TAMM41: variants seen among roughly 807,000 people sequenced by gnomAD.
TAMM41 encodes the protein TAM41 mitochondrial translocator assembly and maintenance homolog, also known as phosphatidate cytidylyltransferase, mitochondrial.
TAMM41 carries 36 observed loss-of-function variants against 44.1 expected under a neutral mutation model. The ratio of observed to expected loss-of-function variants is 0.82; its 90% CI spans 0.63 to 1.08. The LOEUF (loss-of-function observed/expected upper bound fraction) is 1.08, where lower values mean the gene tolerates loss of function less well. TAMM41 is among the 50% of genes least tolerant of loss of function. The probability of loss-of-function intolerance (pLI) is 0.00; values close to 1 mark genes in which losing one functional copy is unlikely to be tolerated. For synonymous variants in TAMM41, 164 were observed against 153.1 expected (o/e 1.07, Z -0.53); for missense variants, 417 against 404.3 (o/e 1.03, Z -0.27).
intron 7 of TAMM41, among the ~76,000 whole-genome samples, chr3:11,797,940 T>C (rs2077649382): frequency 6.6e-6 from 1 of 152,068 alleles, no homozygotes; most frequent in Non-Finnish European, 1.5e-5. Context: ...CAAATCAAAA[T>C]CACAATGAGA....
Position 11,790,444 on chromosome 3 carries a change from C to A in TAMM41, c.*61G>T. 2 of 1,431,746 alleles carry A rather than the reference C, an allele frequency of 1.4e-6. No individual in the cohort carries two copies. Among genetic ancestry groups the A allele is most frequent in the South Asian group, 2.3e-5 (2 of 86,402 alleles). 88.7% of individuals were successfully genotyped at this position (1,431,746 alleles called of 1,614,324 possible). On this transcript the variant is annotated 3_prime_UTR_variant, in exon 8 of 8. Coordinates refer to ENST00000455809, the MANE Select transcript of TAMM41 (RefSeq NM_001284401.2). ...ATGGGTCAAAGTAACAAACACTGTTCTGTCAAAAAGGATCAAACACTTTAT... is the reference window on the plus strand; with the variant it reads ...ATGGGTCAAAGTAACAAACACTGTTATGTCAAAAAGGATCAAACACTTTAT...
At chr3:11,727,714 C>T in the TAMM41 span, among the ~76,000 whole-genome samples, 1 of 152,104 alleles carries the variant, frequency 6.6e-6, no homozygotes, top group East Asian at 1.9e-4. Flanking sequence ...GATCCTCCCG[C>T]CTTGGCCTCC....
chr3:11,777,698 G>A, the TAMM41 span, among the ~76,000 whole-genome samples: 1 of 152,162 alleles, frequency 6.6e-6, no homozygotes, highest in Non-Finnish European at 1.5e-5. Context: ...GGAGGCTGAG[G>A]CAGGAGAATC....
chr3:11,786,309 TA>T (rs1559259418), downstream of TAMM41, among the ~76,000 whole-genome samples: 1,985 of 147,560 alleles, frequency 0.013, 57 homozygotes, highest in African/African-American at 0.046. Context: ...TTATTATTAT[TA>T]TTATTATTTT....
chr3:11,744,203 G>A, the TAMM41 span, among the ~76,000 whole-genome samples: 22 of 152,120 alleles, frequency 1.4e-4, no homozygotes, highest in East Asian at 3.7e-3. Context: ...AAGTAACTGG[G>A]ATTATAGGTG....
chr3:11,810,518 A>G (rs867773315), intron 5 of TAMM41, among the ~76,000 whole-genome samples: 7 of 152,230 alleles, frequency 4.6e-5, no homozygotes, highest in African/African-American at 1.7e-4. Context: ...TCTTGTAAAC[A>G]TTGATTTCCT....
chr3:11,803,056 G>A (rs1424597088), intron 7 of TAMM41, among the ~76,000 whole-genome samples: 1 of 152,240 alleles, frequency 6.6e-6, no homozygotes, highest in Non-Finnish European at 1.5e-5. Flanking sequence ...CAGATCACTT[G>A]AGATCAGGAA....
rs1054294500 is a variant in TAMM41, at chr3:11,840,575, C to T, written c.319-1261G>A. ...CAGCAATACCACAGTCACAGTGAAC[C>T]GATTTTGTCCATGCGACAGGCAGGA... On this transcript the variant is annotated intron_variant, in intron 2 of 7. Coordinates refer to ENST00000455809, the MANE Select transcript of TAMM41 (RefSeq NM_001284401.2). 5.9e-5 allele frequency among the ~76,000 whole-genome samples: 9 copies of T among 151,918 alleles called. No individual in the cohort carries two copies. The East Asian group carries it at 7.7e-4, about 13-fold the overall frequency.
chr3:11,834,585 T>A (rs181962975), intron 3 of TAMM41, among the ~76,000 whole-genome samples: 14 of 152,298 alleles, frequency 9.2e-5, no homozygotes, highest in African/African-American at 3.4e-4. Context: ...GAAATAAAAA[T>A]AGGGTATTCC....
the TAMM41 span, among the ~76,000 whole-genome samples, chr3:11,775,254 A>G: frequency 6.6e-6 from 1 of 152,228 alleles, no homozygotes; most frequent in East Asian, 1.9e-4. Context: ...GGTTCCAGCC[A>G]TAAGCCAGAA....
intron 2 of TAMM41, among the ~76,000 whole-genome samples, chr3:11,842,081 AATGGC>A (rs1345285483): frequency 1.3e-5 from 2 of 152,144 alleles, no homozygotes; most frequent in Non-Finnish European, 2.9e-5. Flanking sequence ...GCCTTTGACC[AATGGC>A]ATTGGCATCA....
intron 3 of TAMM41, among the ~76,000 whole-genome samples, chr3:11,832,494 G>C (rs2079021490): frequency 6.6e-6 from 1 of 152,170 alleles, no homozygotes; most frequent in Admixed American, 6.5e-5. Flanking sequence ...TGAATTCTGA[G>C]GGTGGGTGCA....
the TAMM41 span, among the ~76,000 whole-genome samples, chr3:11,751,320 G>T: frequency 3.9e-5 from 6 of 152,072 alleles, no homozygotes; most frequent in East Asian, 9.6e-4. Flanking sequence ...TCGAACTCCC[G>T]ACCTCAAGTG....
chr3:11,824,332 AG>A (rs2078653383), intron 4 of TAMM41, among the ~76,000 whole-genome samples: 1 of 147,488 alleles, frequency 6.8e-6, no homozygotes, highest in Admixed American at 6.7e-5. Flanking sequence ...CTGGGACTAC[AG>A]GTGTGTGCCA....
the TAMM41 span, among the ~76,000 whole-genome samples, chr3:11,763,595 C>T: frequency 1.5e-4 from 23 of 152,218 alleles, no homozygotes; most frequent in African/African-American, 5.3e-4. Flanking sequence ...TTCTGTGATC[C>T]TGGGTTATCT....
intron 7 of TAMM41, among the ~76,000 whole-genome samples, chr3:11,795,032 C>T (rs1044033152): frequency 2.2e-4 from 33 of 152,050 alleles, no homozygotes; most frequent in African/African-American, 7.5e-4. Flanking sequence ...ATATAGATAC[C>T]AACAAATGGA....
At chr3:11,793,267 C>T (rs1032554952) in intron 7 of TAMM41, among the ~76,000 whole-genome samples, 11 of 152,062 alleles carry the variant, frequency 7.2e-5, no homozygotes, top group Admixed American at 1.3e-4. Flanking sequence ...ATGAAAAATG[C>T]TCAACTTCCT....
At chr3:11,797,688 G>A (rs1436074761) in intron 7 of TAMM41, among the ~76,000 whole-genome samples, 1 of 152,014 alleles carries the variant, frequency 6.6e-6, no homozygotes, top group Non-Finnish European at 1.5e-5. Flanking sequence ...ACAAGACAGT[G>A]AAGAACAGAG....
At chr3:11,730,907 A>G in the TAMM41 span, among the ~76,000 whole-genome samples, 4 of 152,180 alleles carry the variant, frequency 2.6e-5, no homozygotes, top group African/African-American at 9.7e-5. Flanking sequence ...TTACCAAAGG[A>G]TGGGAAACCC....
Sources: gnomAD v4.1 joint callset for allele counts (sites outside exome capture counted in the v4.1 genomes callset) on GRCh38, gnomAD v4.1.1 for gene constraint, MANE v1.5 for transcripts, NCBI Gene and HGNC (gene_info 2026-07-23, HGNC 2026-07-21) for gene names.